Variants in GALNT9 observed in about 807,000 individuals in gnomAD.
GALNT9 encodes polypeptide N-acetylgalactosaminyltransferase 9, also known as GalNAc transferase 9.
In GALNT9, 47 loss-of-function variants were observed where a neutral mutation model predicts 63.1. The observed-to-expected ratio is 0.75, with a 90% CI of 0.59 to 0.95. GALNT9 has a LOEUF of 0.95. GALNT9 is among the 40% of genes least tolerant of loss of function. The pLI, the probability that GALNT9 is intolerant of heterozygous loss-of-function variation, is 0.00. For missense variants in GALNT9, 829 were observed against 874.8 expected (o/e 0.95, Z 0.66); for synonymous variants, 396 against 365.7 (o/e 1.08, Z -0.94).
rs541681712 is a variant in GALNT9, at chr12:132,310,198, G to A, written c.238+18768C>T. On this transcript the variant is annotated intron_variant, in intron 1 of 10. Coordinates refer to ENST00000328957, the MANE Select transcript of GALNT9 (RefSeq NM_001122636.2). This position sits in a 1 kb window ranked among gnomAD's most constrained non-coding sequence, Gnocchi z 4.8. ...TGCCTCCAGCAGGAGGGGAGGAGCT[G>A]GGATTCACGTGGGGCTGGGCTTGTG... Among the ~76,000 whole-genome samples the A allele has an allele frequency of 3.3e-5, 5 of 152,340 alleles. No homozygotes were observed. In the East Asian group the frequency reaches 9.6e-4, roughly 29 times the overall value.
chr12:132,197,337 C>T, intron 10 of GALNT9, 84 bp from the exon 11 acceptor site: 1 of 1,557,280 alleles, frequency 6.4e-7, no homozygotes, highest in East Asian at 2.3e-5. Context: ...GCTTCGTGCT[C>T]TCAGCCCTCG....
chr12:132,286,727 T>A lies in GALNT9; in HGVS notation c.239-297A>T, dbSNP rs553544983. ...GTGGATATCTGTTATTATTATGTAT[T>A]TTTTGATTCAGGGTCTTGCTCTGTC... On this transcript the variant is annotated intron_variant, in intron 1 of 10. Coordinates refer to ENST00000328957, the MANE Select transcript of GALNT9 (RefSeq NM_001122636.2). The surrounding 1 kb of genome is among the most constrained non-coding windows in gnomAD (Gnocchi z 7.4). 3.9e-5 allele frequency among the ~76,000 whole-genome samples: 6 copies of A among 152,260 alleles called. No individual in the cohort carries two copies. The highest frequency in any genetic ancestry group is 8.8e-5 in the Non-Finnish European group (6 of 68,016).
chr12:132,200,762 G>T, intron 8 of GALNT9: 1 of 255,408 alleles, frequency 3.9e-6, no homozygotes, highest in Non-Finnish European at 7.5e-6. Context: ...ACACATACGT[G>T]AGAGCGTAGG....
intron 6 of GALNT9, among the ~76,000 whole-genome samples, chr12:132,223,085 A>G (rs1451336895): frequency 2.3e-5 from 2 of 86,672 alleles, no homozygotes; most frequent in Non-Finnish European, 4.4e-5. Context: ...CACCCCACAC[A>G]CACACCCCAC....
chr12:132,244,926 C>T lies in GALNT9; in HGVS notation c.1077+2984G>A, dbSNP rs529512888. 5.8e-4 allele frequency among the ~76,000 whole-genome samples: 87 copies of T among 150,794 alleles called. 1 individual carries two copies. The Middle Eastern group carries it at 0.01, about 18-fold the overall frequency. On this transcript the variant is annotated intron_variant, in intron 6 of 10. Transcript: ENST00000328957. ...CTCCCACCGTAGAGCAACCTCTGAC[C>T]GCCAGACAGGACACCAAGGTGAAAA...
chr12:132,299,113 C>T (rs1284134938), intron 1 of GALNT9, among the ~76,000 whole-genome samples: 1 of 139,720 alleles, frequency 7.2e-6, no homozygotes, highest in African/African-American at 2.6e-5. Context: ...ATAACCCACT[C>T]CCATGATAAC....
At chr12:132,230,714 T>C (rs1054596498) in intron 6 of GALNT9, among the ~76,000 whole-genome samples, 4 of 152,200 alleles carry the variant, frequency 2.6e-5, no homozygotes, top group Non-Finnish European at 4.4e-5. Flanking sequence ...GGACACGGCA[T>C]ATTTTGGCAG....
rs1881767834 is a variant in GALNT9, at chr12:132,310,312, GAGGCAT to G, written c.238+18648_238+18653del. 6.6e-6 allele frequency among the ~76,000 whole-genome samples: 1 copy of G among 152,174 alleles called. No individual in the cohort carries two copies. The highest frequency in any genetic ancestry group is 2.1e-4 in the South Asian group (1 of 4,822). Reference sequence around the variant, plus strand: ...GGTAACACGCAGAAGTAAAGGAACTGAGGCATGCAAAGGCCAGGACTGTCAGGGACT... The same window carrying G: ...GGTAACACGCAGAAGTAAAGGAACTGGCAAAGGCCAGGACTGTCAGGGACT... On this transcript the variant is annotated intron_variant, in intron 1 of 10. Coordinates refer to ENST00000328957, the MANE Select transcript of GALNT9 (RefSeq NM_001122636.2). This position sits in a 1 kb window ranked among gnomAD's most constrained non-coding sequence, Gnocchi z 4.8.
chr12:132,212,750 C>T (rs371113889), intron 6 of GALNT9, among the ~76,000 whole-genome samples: 1 of 23,658 alleles, frequency 4.2e-5, no homozygotes, highest in Admixed American at 3.3e-4. Context: ...GGTCTGCAGC[C>T]CTCAGACCGT....
chr12:132,213,893 ACAGCCCGGTCACGGAG>A (rs768379655), intron 6 of GALNT9, among the ~76,000 whole-genome samples: 1 of 152,222 alleles, frequency 6.6e-6, no homozygotes, highest in Non-Finnish European at 1.5e-5. Context: ...ACAGTCCAGA[ACAGCCCGGTCACGGAG>A]CAGCCCTGGA....
chr12:132,328,894 G>A (rs541463631), intron 1 of GALNT9, 72 bp downstream of exon 1: 1 of 1,417,054 alleles, frequency 7.1e-7, no homozygotes, highest in South Asian at 1.5e-5. Flanking sequence ...AGGCCGGCCT[G>A]ACCCATCGCG....
At chr12:132,301,011 G>A (rs932924668) in intron 1 of GALNT9, among the ~76,000 whole-genome samples, 3 of 152,254 alleles carry the variant, frequency 2.0e-5, no homozygotes, top group East Asian at 3.8e-4. Context: ...ACCGTTCCTC[G>A]TGCAGGCGTT....
chr12:132,318,512 T>G (rs1279596537), intron 1 of GALNT9, among the ~76,000 whole-genome samples: 1 of 152,232 alleles, frequency 6.6e-6, no homozygotes, highest in East Asian at 1.9e-4. Flanking sequence ...GCACAGGGCC[T>G]CAGGGCCTCA....
chr12:132,199,311 G>C, intron 8 of GALNT9, 42 bp from the exon 9 acceptor site: 1 of 1,459,194 alleles, frequency 6.9e-7, no homozygotes, highest in Non-Finnish European at 9.5e-7. Context: ...AGTCACCCGA[G>C]GGTGCGGCCC....
intron 1 of GALNT9, among the ~76,000 whole-genome samples, chr12:132,312,253 CGAATAT>C (rs1261197757): frequency 3.9e-5 from 6 of 152,168 alleles, no homozygotes; most frequent in Non-Finnish European, 7.3e-5. Context: ...TTGTGTTCAA[CGAATAT>C]GAATATTTAT....
intron 1 of GALNT9, among the ~76,000 whole-genome samples, chr12:132,289,394 T>C (rs1380946499): frequency 6.6e-6 from 1 of 152,266 alleles, no homozygotes; most frequent in African/African-American, 2.4e-5. Flanking sequence ...TGCTCTCCAG[T>C]CGCCCCTGCC....
rs111798781 is a variant in GALNT9, at chr12:132,246,872, G to A, written c.1077+1038C>T. 8.5e-5 allele frequency among the ~76,000 whole-genome samples: 13 copies of A among 152,164 alleles called. No homozygotes were observed. The highest frequency in any genetic ancestry group is 1.6e-4 in the Non-Finnish European group (11 of 68,040). On this transcript the variant is annotated intron_variant, in intron 6 of 10. Transcript: ENST00000328957. The surrounding 1 kb of genome is among the most constrained non-coding windows in gnomAD (Gnocchi z 4.7). ...TCTGCCCAACCTGAGTTAAACAATC[G>A]CGGCCACGGGGAAGGAGGCCGTTTT... is the stretch of plus-strand genomic sequence containing the variant.
rs903824850 is a variant in GALNT9, at chr12:132,329,065, C to T, written c.139G>A (p.Val47Met). 2.5e-5 allele frequency: 39 copies of T among 1,547,250 alleles called. No individual in the cohort carries two copies. Among genetic ancestry groups the T allele is most frequent in the Non-Finnish European group, 3.4e-5 (39 of 1,146,396 alleles). The change falls in exon 1 of 11, where the codon GTG becomes ATG. Residue 47 changes from valine to methionine, a missense_variant. Transcript: ENST00000328957. ...LVRIVSGDRR[V>M]RSRHAKVGTL... ...CCCACCTTGGCGTGTCGGCTGCGCACCCGGCGGTCGCCGCTCACGATGCGC... is the reference window on the plus strand; with the variant it reads ...CCCACCTTGGCGTGTCGGCTGCGCATCCGGCGGTCGCCGCTCACGATGCGC...
intron 5 of GALNT9, among the ~76,000 whole-genome samples, chr12:132,251,355 G>A (rs371602654): frequency 7.2e-5 from 11 of 152,238 alleles, no homozygotes; most frequent in East Asian, 3.8e-4. Flanking sequence ...TCCAGTTCAC[G>A]ACGCCGGTTA....
Sources: allele counts gnomAD v4.1 joint callset (sites outside exome capture counted in the v4.1 genomes callset), GRCh38; gene constraint gnomAD v4.1.1; non-coding constraint Gnocchi (gnomAD v3.1); transcripts MANE v1.5; gene names NCBI Gene and HGNC (gene_info 2026-07-23, HGNC 2026-07-21).